CSNK1A1: variants seen among roughly 807,000 people sequenced by gnomAD.
The protein encoded by CSNK1A1 is casein kinase I isoform alpha.
A neutral mutation model predicts 46.1 loss-of-function variants in CSNK1A1; 7 were observed. The observed-to-expected ratio is 0.15, with a 90% confidence interval of 0.09 to 0.29. The LOEUF (loss-of-function observed/expected upper bound fraction) is 0.29, where lower values mean the gene tolerates loss of function less well. Ranked by LOEUF, CSNK1A1 falls within the 10% of genes least tolerant of loss-of-function variation. The pLI, the probability that CSNK1A1 is intolerant of heterozygous loss-of-function variation, is 1.00. For missense variants in CSNK1A1, 96 were observed against 417.1 expected, an observed-to-expected ratio of 0.23 and a Z score of 6.71; for synonymous variants, 137 against 141.5, an observed-to-expected ratio of 0.97 and a Z score of 0.23.
At chr5:149,507,250 G>A (rs959534212) in intron 7 of CSNK1A1, 117 bp from the exon 8 acceptor site, 4 of 707,712 alleles carry the variant, frequency 5.7e-6, no homozygotes, top group Admixed American at 3.0e-5. Flanking sequence ...CATTTCATAG[G>A]AAGATATGAG....
intron 9 of CSNK1A1, chr5:149,502,409 C>G (rs141367527): frequency 7.8e-6 from 5 of 640,232 alleles, no homozygotes; most frequent in Non-Finnish European, 7.7e-6. Flanking sequence ...GGCATGATCA[C>G]AGCTCTCATT....
chr5:149,522,257 G>C (rs1211057735), intron 3 of CSNK1A1, among the ~76,000 whole-genome samples: 2 of 151,894 alleles, frequency 1.3e-5, no homozygotes, highest in Non-Finnish European at 2.9e-5. Flanking sequence ...ACGGACATGC[G>C]CGTTACCATG....
chr5:149,510,101 T>TA (rs199901240), intron 6 of CSNK1A1, 148 bp from the exon 7 acceptor site: 6 of 508,292 alleles, frequency 1.2e-5, no homozygotes, highest in East Asian at 3.5e-5. Context: ...ATAATACATC[T>TA]AAAAAAAATT....
intron 9 of CSNK1A1, chr5:149,503,544 C>T (rs966661253): frequency 3.0e-5 from 30 of 984,750 alleles, no homozygotes; most frequent in African/African-American, 5.2e-5. Flanking sequence ...ATTTGTATGA[C>T]CATTGTCTCT....
chr5:149,510,497 A>G (rs1761184533), intron 6 of CSNK1A1, among the ~76,000 whole-genome samples: 1 of 151,682 alleles, frequency 6.6e-6, no homozygotes, highest in South Asian at 2.1e-4. Flanking sequence ...TGTTTTTTTG[A>G]GACAAGGTCT....
At chr5:149,543,942 CAAG>C (rs1762383529) in intron 2 of CSNK1A1, among the ~76,000 whole-genome samples, 1 of 152,086 alleles carries the variant, frequency 6.6e-6, no homozygotes. Context: ...ATAGGAAAAA[CAAG>C]AAAGGAAGGC....
chr5:149,526,717 C>A (rs1761734914), intron 2 of CSNK1A1, among the ~76,000 whole-genome samples: 1 of 152,122 alleles, frequency 6.6e-6, no homozygotes, highest in Admixed American at 6.5e-5. Flanking sequence ...GTCCTGGGCA[C>A]CCATTAACCC....
Position 149,550,461 on chromosome 5 carries a change from G to A in CSNK1A1, c.124-280C>T, listed in dbSNP as rs1278473990. ...GTAGTGAGAGGTTTTTAAGGAACTA[G>A]GCGATCGGAAACTGTTCTAATTGGA... is the stretch of plus-strand genomic sequence containing the variant. On this transcript the variant is annotated intron_variant, in intron 1 of 9. Coordinates refer to ENST00000377843, the MANE Select transcript of CSNK1A1 (RefSeq NM_001892.6). This position sits in a 1 kb window ranked among gnomAD's most constrained non-coding sequence, Gnocchi z 4.3. 1 of 506,982 alleles carries A rather than the reference G, an allele frequency of 2.0e-6. No homozygotes were observed. The highest frequency in any genetic ancestry group is 2.5e-6 in the Non-Finnish European group (1 of 393,536). The allele number at this position is 506,982 out of a possible 1,614,324, so 31.4% of individuals were successfully genotyped here. A position where few individuals can be genotyped will look rare whatever the true frequency, so the allele number is the denominator to read the frequency against.
rs577903519 is a variant in CSNK1A1, at chr5:149,505,337, T to G, written c.1006+110A>C. 2.1e-6 allele frequency: 3 copies of G among 1,458,482 alleles called. No homozygotes were observed. In the Admixed American group the frequency reaches 7.9e-5, roughly 39 times the overall value. 90.3% of individuals were successfully genotyped at this position (1,458,482 alleles called of 1,614,324 possible). A position where few individuals can be genotyped will look rare whatever the true frequency, so the allele number is the denominator to read the frequency against. On this transcript the variant is annotated intron_variant, in intron 9 of 9. Transcript: ENST00000377843. ...TTTTTTTTTTTAACGCAGAGCCAAA[T>G]TTTTATGTATTTTAAAACCACCTCC...
At chr5:149,499,157 T>C in intron 9 of CSNK1A1, 6 of 985,412 alleles carry the variant, frequency 6.1e-6, no homozygotes, top group Non-Finnish European at 7.2e-6. Context: ...CTTGCAGTAC[T>C]AAGCATTCTT....
At position 149,542,997 on chromosome 5, in the gene CSNK1A1, AAATT is replaced by A. The variant is rs149904908; in HGVS notation, c.230+7074_230+7077del. 5.0e-3 allele frequency among the ~76,000 whole-genome samples: 763 copies of A among 152,008 alleles called. 18 individuals are homozygous for A. The East Asian group carries it at 0.079, about 16-fold the overall frequency. ...GGTGTGAACCACTGCGCCTGGCCAC[AAATT>A]AATAATTTCCAGCAAGTTTTTATCC... On this transcript the variant is annotated intron_variant, in intron 2 of 9. Coordinates refer to ENST00000377843, the MANE Select transcript of CSNK1A1 (RefSeq NM_001892.6).
At chr5:149,508,092 T>C (rs1761092838) in intron 7 of CSNK1A1, among the ~76,000 whole-genome samples, 1 of 152,160 alleles carries the variant, frequency 6.6e-6, no homozygotes, top group African/African-American at 2.4e-5. Context: ...AGTGGTAAAG[T>C]TAAAGGAGGC....
chr5:149,506,963 G>C (rs115256922), intron 8 of CSNK1A1, 64 bp downstream of exon 8: 24,205 of 1,196,464 alleles, frequency 0.02, 588 homozygotes, highest in East Asian at 0.098. Flanking sequence ...GAATGAATTT[G>C]TTAGGTAAAT....
intron 7 of CSNK1A1, 41 bp downstream of exon 7, chr5:149,509,838 G>A (rs1258620969): frequency 3.4e-6 from 5 of 1,480,010 alleles, no homozygotes; most frequent in Non-Finnish European, 4.7e-6. Flanking sequence ...ATTGTGCCTG[G>A]CTTCATTTAT....
At chr5:149,500,280 G>GGCGCCCGCCACC (rs1399626677) in intron 9 of CSNK1A1, among the ~76,000 whole-genome samples, 1 of 151,954 alleles carries the variant, frequency 6.6e-6, no homozygotes, top group African/African-American at 2.4e-5. Context: ...TGGGACTATA[G>GGCGCCCGCCACC]GCGCCCGCCA....
intron 2 of CSNK1A1, among the ~76,000 whole-genome samples, chr5:149,542,662 ATATATATATG>A (rs1762329324): frequency 2.8e-4 from 2 of 7,198 alleles, no homozygotes; most frequent in South Asian, 5.6e-3. Context: ...ATATATATAT[ATATATATATG>A]TATATATATA....
intron 2 of CSNK1A1, among the ~76,000 whole-genome samples, chr5:149,549,774 A>G (rs939509736): frequency 3.3e-5 from 5 of 152,250 alleles, no homozygotes; most frequent in Non-Finnish European, 7.3e-5. Flanking sequence ...TAAAAAAGGC[A>G]GCAGCCAACC....
chr5:149,547,306 T>C (rs376959946), intron 2 of CSNK1A1, among the ~76,000 whole-genome samples: 8 of 152,358 alleles, frequency 5.3e-5, no homozygotes, highest in African/African-American at 1.9e-4. Flanking sequence ...ATTACTATAA[T>C]TCTGCTCAGA....
chr5:149,500,986 A>G, intron 9 of CSNK1A1: 2 of 985,338 alleles, frequency 2.0e-6, no homozygotes, highest in Non-Finnish European at 2.4e-6. Context: ...TCTGCTACAC[A>G]TTTCTGACGT....
Sources: allele counts gnomAD v4.1 joint callset (sites outside exome capture counted in the v4.1 genomes callset), GRCh38; gene constraint gnomAD v4.1.1; non-coding constraint Gnocchi (gnomAD v3.1); transcripts MANE v1.5; gene names NCBI Gene and HGNC (gene_info 2026-07-23, HGNC 2026-07-21).